RNF212B: variants seen among roughly 807,000 people sequenced by gnomAD.
RNF212B encodes E3 ubiquitin-protein ligase RNF212B.
RNF212B carries 52 observed loss-of-function variants against 55.5 expected under a neutral mutation model. That is an observed-to-expected ratio of 0.94 (90% confidence interval 0.75 to 1.18). The LOEUF (loss-of-function observed/expected upper bound fraction) is 1.18, where lower values mean the gene tolerates loss of function less well. Ranked by LOEUF, RNF212B falls within the 50% of genes most tolerant of loss-of-function variation. The pLI is 0.00. For missense variants in RNF212B, 289 were observed against 350.4 expected (o/e 0.82, Z 1.40); for synonymous variants, 99 against 121.4 (o/e 0.82, Z 1.21).
intron 2 of RNF212B, among the ~76,000 whole-genome samples, chr14:23,216,879 CAA>C (rs59923716): frequency 3.1e-3 from 149 of 48,750 alleles, no homozygotes; most frequent in African/African-American, 9.4e-3. Flanking sequence ...GACCCTGTCT[CAA>C]AAAAAAAAAA....
chr14:23,262,934 C>G lies in RNF212B; in HGVS notation c.488C>G (p.Pro163Arg). Reference sequence around the variant, plus strand: ...GTACTTTATTCTCTTTCAGTTACCCCACGACCCAGTTTCCAGCATAGCAGT... The same window carrying G: ...GTACTTTATTCTCTTTCAGTTACCCGACGACCCAGTTTCCAGCATAGCAGT... The part of the protein sequence containing the change: ...GITSPSQSVT[P>R]RPSFQHSSQV... Residue 163 changes from proline to arginine, a missense_variant, in exon 9 of 15, where the codon CCA (proline) becomes CGA (arginine). Coordinates refer to ENST00000430154, the MANE Select transcript of RNF212B (RefSeq NM_001282322.3). 1.9e-6 allele frequency: 3 copies of G among 1,550,502 alleles called. No individual in the cohort carries two copies. Among genetic ancestry groups the G allele is most frequent in the Non-Finnish European group, 2.6e-6 (3 of 1,146,950 alleles).
chr14:23,197,514 A>G (rs2140363345), intron 2 of RNF212B, among the ~76,000 whole-genome samples: 1 of 152,342 alleles, frequency 6.6e-6, no homozygotes, highest in South Asian at 2.1e-4. Flanking sequence ...CAACAGAGCG[A>G]GACTCCATCT....
intron 4 of RNF212B, among the ~76,000 whole-genome samples, chr14:23,248,941 T>C (rs1884207123): frequency 6.6e-6 from 1 of 152,212 alleles, no homozygotes; most frequent in Admixed American, 6.5e-5. Context: ...CAATTTCCGA[T>C]GCTGCTACCC....
At chr14:23,216,507 G>A (rs1881088209) in intron 2 of RNF212B, among the ~76,000 whole-genome samples, 1 of 150,494 alleles carries the variant, frequency 6.6e-6, no homozygotes, top group Non-Finnish European at 1.5e-5. Context: ...GACGTCGACA[G>A]AACAGATTAA....
chr14:23,206,651 A>G (rs778080602), intron 2 of RNF212B, among the ~76,000 whole-genome samples: 1 of 152,206 alleles, frequency 6.6e-6, no homozygotes, highest in Non-Finnish European at 1.5e-5. Context: ...TTTGCACATT[A>G]AAGGAAACAA....
In RNF212B at chr14:23,269,893, T is replaced by C. The variant is rs1347306779; in HGVS notation, c.705T>C (p.Ile235=). The C allele has an allele frequency of 1.3e-6, 2 of 1,549,254 alleles. No individual in the cohort carries two copies. Among genetic ancestry groups the C allele is most frequent in the Non-Finnish European group, 1.7e-6 (2 of 1,145,812 alleles). ...RTSSASSGQG[I]FSFRPSPNGH... The stretch of plus-strand genomic sequence containing the variant: ...CATCTGCCTCCTCTGGACAGGGGAT[T>C]TTTTCTTTCAGACCATCCCCAAATG... Residue 235 remains isoleucine (I), a synonymous_variant, in exon 13 of 15, where the codon ATT becomes ATC. Coordinates refer to ENST00000430154, the MANE Select transcript of RNF212B (RefSeq NM_001282322.3).
chr14:23,231,378 A>T (rs1485073296), intron 2 of RNF212B, among the ~76,000 whole-genome samples: 2 of 152,126 alleles, frequency 1.3e-5, no homozygotes, highest in Non-Finnish European at 2.9e-5. Context: ...TTAATCTTTT[A>T]AAAAAATGGT....
intron 2 of RNF212B, among the ~76,000 whole-genome samples, chr14:23,219,853 T>C (rs1881405265): frequency 6.6e-6 from 1 of 152,010 alleles, no homozygotes; most frequent in Non-Finnish European, 1.5e-5. Context: ...TCTAAGATAA[T>C]ATTTGCAAGC....
intron 1 of RNF212B, among the ~76,000 whole-genome samples, chr14:23,189,231 G>A (rs956666765): frequency 1.3e-5 from 2 of 152,076 alleles, no homozygotes; most frequent in African/African-American, 2.4e-5. Context: ...GGAGAAAATG[G>A]GAATAGGCAG....
intron 4 of RNF212B, among the ~76,000 whole-genome samples, chr14:23,249,647 T>G (rs1316431923): frequency 6.6e-6 from 1 of 152,218 alleles, no homozygotes; most frequent in Admixed American, 6.5e-5. Flanking sequence ...ACAGTGTAGT[T>G]GAATTCTTCA....
chr14:23,191,311 C>T (rs555710430), intron 1 of RNF212B, among the ~76,000 whole-genome samples: 67 of 148,284 alleles, frequency 4.5e-4, no homozygotes, highest in African/African-American at 1.6e-3. Context: ...GAGCCGAGAT[C>T]GCACTGCACC....
At chr14:23,238,780 A>AATAATCATCATC (rs1343117592) in intron 1 of RNF212B, among the ~76,000 whole-genome samples, 20 of 145,686 alleles carry the variant, frequency 1.4e-4, no homozygotes, top group Middle Eastern at 3.6e-3. Context: ...TAATAATAAT[A>AATAATCATCATC]ATCCCACAAA....
chr14:23,204,708 A>C (rs1594871902), intron 2 of RNF212B, among the ~76,000 whole-genome samples: 2 of 152,104 alleles, frequency 1.3e-5, no homozygotes, highest in Non-Finnish European at 2.9e-5. Context: ...CTATGCAGGC[A>C]CTTTTTTCAT....
chr14:23,229,251 T>TATATATATATATAC (rs1882335642), intron 2 of RNF212B, among the ~76,000 whole-genome samples: 1 of 133,710 alleles, frequency 7.5e-6, no homozygotes, highest in East Asian at 2.3e-4. Context: ...TATATATATA[T>TATATATATATATAC]ATATATATAT....
chr14:23,217,860 G>GGA (rs1881237581), intron 2 of RNF212B, among the ~76,000 whole-genome samples: 1 of 151,822 alleles, frequency 6.6e-6, no homozygotes, highest in African/African-American at 2.4e-5. Context: ...CACCATCCAG[G>GGA]GAGACATGAC....
upstream of RNF212B, among the ~76,000 whole-genome samples, chr14:23,237,743 T>C (rs530829752): frequency 1.6e-4 from 24 of 152,306 alleles, no homozygotes; most frequent in African/African-American, 5.8e-4. Context: ...ATCTTTTAAG[T>C]GAGGTGAATT....
upstream of RNF212B, among the ~76,000 whole-genome samples, chr14:23,235,144 G>A (rs1883009568): frequency 6.6e-6 from 1 of 152,034 alleles, no homozygotes; most frequent in Admixed American, 6.6e-5. Flanking sequence ...CCCAGTGGGC[G>A]GAGGTTGCAG....
chr14:23,257,155 AC>A (rs1555319219), intron 4 of RNF212B, among the ~76,000 whole-genome samples: 1 of 96,470 alleles, frequency 1.0e-5, no homozygotes. Flanking sequence ...TCAGTCACAC[AC>A]ACACAAAAAA....
intron 10 of RNF212B, 87 bp from the exon 11 acceptor site, chr14:23,264,536 G>A (rs1885536048): frequency 2.1e-6 from 2 of 959,172 alleles, no homozygotes; most frequent in Middle Eastern, 2.3e-4. Context: ...ATATATGCTT[G>A]AATGTGTAGC....
Sources: allele counts gnomAD v4.1 joint callset (sites outside exome capture counted in the v4.1 genomes callset), GRCh38; gene constraint gnomAD v4.1.1; transcripts MANE v1.5; gene names NCBI Gene and HGNC (gene_info 2026-07-23, HGNC 2026-07-21).